BABAM2: variants seen among roughly 807,000 people sequenced by gnomAD.
BABAM2 encodes BRISC and BRCA1-A complex member 2.
BABAM2 carries 31 observed loss-of-function variants against 54.7 expected under a neutral mutation model. The ratio of observed to expected loss-of-function variants is 0.57; its 90% CI spans 0.43 to 0.77. The LOEUF (loss-of-function observed/expected upper bound fraction) is 0.77. BABAM2 is among the 30% of genes least tolerant of loss of function. The probability of loss-of-function intolerance (pLI) is 0.00; values close to 1 mark genes in which losing one functional copy is unlikely to be tolerated. For missense variants in BABAM2, 364 were observed against 455.8 expected, an observed-to-expected ratio of 0.80 and a Z score of 1.83; for synonymous variants, 167 against 162.9, an observed-to-expected ratio of 1.03 and a Z score of -0.19.
intron 3 of BABAM2, among the ~76,000 whole-genome samples, chr2:27,976,315 T>C (rs564374314): frequency 5.3e-5 from 8 of 152,216 alleles, no homozygotes; most frequent in South Asian, 4.1e-4. Flanking sequence ...ATGTCTTTCA[T>C]TGGGTAGATG....
chr2:28,108,627 A>G (rs972239202), intron 6 of BABAM2, among the ~76,000 whole-genome samples: 2 of 152,216 alleles, frequency 1.3e-5, no homozygotes, highest in Non-Finnish European at 2.9e-5. Flanking sequence ...GCTAAGTCCA[A>G]CATTTATAGT....
intron 2 of BABAM2, among the ~76,000 whole-genome samples, chr2:27,916,604 T>A (rs910880342): frequency 6.6e-6 from 1 of 152,178 alleles, no homozygotes; most frequent in Non-Finnish European, 1.5e-5. Context: ...CACTGAGGGA[T>A]CCAGGGTTTA....
At chr2:28,264,558 T>C (rs1322380453) in intron 10 of BABAM2, among the ~76,000 whole-genome samples, 1 of 152,236 alleles carries the variant, frequency 6.6e-6, no homozygotes, top group African/African-American at 2.4e-5. Context: ...GTCTTTGTTT[T>C]ATGTTGGAAG....
intron 6 of BABAM2, among the ~76,000 whole-genome samples, chr2:28,054,659 C>T (rs1377256469): frequency 1.3e-5 from 2 of 152,114 alleles, no homozygotes; most frequent in South Asian, 2.1e-4. Context: ...GGAAACAGGC[C>T]CTCACCAGAC....
intron 11 of BABAM2, among the ~76,000 whole-genome samples, chr2:28,311,424 G>C (rs1293081314): frequency 6.6e-6 from 1 of 152,138 alleles, no homozygotes; most frequent in Non-Finnish European, 1.5e-5. Context: ...GTGTCCTATA[G>C]AGTTAGAAAG....
intron 5 of BABAM2, 46 bp from the exon 6 acceptor site, chr2:28,045,679 A>G (rs771349072): frequency 1.1e-5 from 16 of 1,511,018 alleles, no homozygotes; most frequent in Non-Finnish European, 1.5e-5. Flanking sequence ...TCACTTCATA[A>G]TCTATTTTTG....
intron 7 of BABAM2, among the ~76,000 whole-genome samples, chr2:28,194,588 T>TTC (rs1558424566): frequency 6.8e-6 from 1 of 147,540 alleles, no homozygotes; most frequent in African/African-American, 2.5e-5. Context: ...TTTTTTTTTT[T>TTC]TTTTTTTTGA....
intron 7 of BABAM2, among the ~76,000 whole-genome samples, chr2:28,156,112 G>A (rs943648750): frequency 2.6e-5 from 4 of 151,990 alleles, no homozygotes; most frequent in African/African-American, 9.7e-5. Context: ...ATATTTTTCC[G>A]ATTTTGTTTG....
rs114254216 is a variant in BABAM2, at chr2:28,222,025, T to C, written c.681-15177T>C. On this transcript the variant is annotated intron_variant, in intron 7 of 11. Coordinates refer to ENST00000379624, the MANE Select transcript of BABAM2 (RefSeq NM_199191.3). ...CCCAGACTGTATTGAGAAGCAGTCT[T>C]GGTCTTGTTGGGAAAGGGAGGTGCT... 5.7e-3 allele frequency among the ~76,000 whole-genome samples: 874 copies of C among 152,296 alleles called. 8 individuals carry two copies. Among genetic ancestry groups the C allele is most frequent in the African/African-American group, 0.02 (824 of 41,578 alleles).
intron 11 of BABAM2, among the ~76,000 whole-genome samples, chr2:28,337,487 G>A (rs112215321): frequency 1.2e-4 from 18 of 152,162 alleles, no homozygotes; most frequent in African/African-American, 3.9e-4. Context: ...GTGTGGGCTC[G>A]GCGGGTGCAC....
chr2:27,979,469 G>A (rs1671851491), intron 3 of BABAM2, among the ~76,000 whole-genome samples: 1 of 151,898 alleles, frequency 6.6e-6, no homozygotes, highest in African/African-American at 2.4e-5. Flanking sequence ...ATTCTTTTGG[G>A]TATATACACA....
chr2:28,175,812 T>A (rs913705293), intron 7 of BABAM2, among the ~76,000 whole-genome samples: 1 of 152,158 alleles, frequency 6.6e-6, no homozygotes, highest in Non-Finnish European at 1.5e-5. Context: ...GCCAATGCAC[T>A]CATACACTGC....
chr2:28,293,400 G>A (rs1260261087), intron 10 of BABAM2, among the ~76,000 whole-genome samples: 10 of 152,256 alleles, frequency 6.6e-5, no homozygotes, highest in East Asian at 1.9e-4. Flanking sequence ...TGTTTGCTTG[G>A]GAAGGTAGAA....
At chr2:28,150,676 C>T (rs1319156402) in intron 7 of BABAM2, among the ~76,000 whole-genome samples, 2 of 152,128 alleles carry the variant, frequency 1.3e-5, no homozygotes, top group East Asian at 1.9e-4. Flanking sequence ...TTGGAAAGAC[C>T]GTGAGACTAG....
chr2:28,317,240 G>A (rs551440741), intron 11 of BABAM2, among the ~76,000 whole-genome samples: 1 of 152,274 alleles, frequency 6.6e-6, no homozygotes, highest in East Asian at 1.9e-4. Flanking sequence ...CTGCGGTTGA[G>A]ATGGAAAAAT....
intron 6 of BABAM2, among the ~76,000 whole-genome samples, chr2:28,060,509 A>G (rs1159546181): frequency 6.6e-6 from 1 of 152,180 alleles, no homozygotes; most frequent in African/African-American, 2.4e-5. Context: ...ATAAAGCAAG[A>G]AAAAGGAATA....
intron 3 of BABAM2, among the ~76,000 whole-genome samples, chr2:27,980,648 CTTCT>C (rs1671935635): frequency 6.6e-6 from 1 of 151,980 alleles, no homozygotes; most frequent in African/African-American, 2.4e-5. Flanking sequence ...TTTTAAGTTA[CTTCT>C]TTGTTTTGAA....
At chr2:27,932,212 G>T (rs139219740) in intron 3 of BABAM2, among the ~76,000 whole-genome samples, 1 of 151,982 alleles carries the variant, frequency 6.6e-6, no homozygotes, top group East Asian at 1.9e-4. Flanking sequence ...TAGCCCATCC[G>T]ATAATTTTTT....
chr2:27,954,688 A>G (rs763112708), intron 3 of BABAM2, among the ~76,000 whole-genome samples: 5 of 152,216 alleles, frequency 3.3e-5, no homozygotes, highest in Non-Finnish European at 1.5e-5. Flanking sequence ...GCATAAGCCG[A>G]CCAAATATCA....
Sources: gnomAD v4.1 joint callset for allele counts (sites outside exome capture counted in the v4.1 genomes callset) on GRCh38, gnomAD v4.1.1 for gene constraint, MANE v1.5 for transcripts, NCBI Gene and HGNC (gene_info 2026-07-23, HGNC 2026-07-21) for gene names.